Variants in PRKN observed in about 807,000 individuals in gnomAD.
PRKN encodes the protein E3 ubiquitin-protein ligase parkin.
PRKN carries 56 observed loss-of-function variants against 59.5 expected under a neutral mutation model. The observed-to-expected ratio is 0.94, with a 90% confidence interval of 0.76 to 1.18. The LOEUF (loss-of-function observed/expected upper bound fraction) is 1.18, where lower values mean the gene tolerates loss of function less well. Ranked by LOEUF, PRKN falls within the 50% of genes most tolerant of loss-of-function variation. The probability of loss-of-function intolerance (pLI) is 0.00; values close to 1 mark genes in which losing one functional copy is unlikely to be tolerated. For missense variants in PRKN, 657 were observed against 596.4 expected (o/e 1.10, Z -1.06); for synonymous variants, 250 against 222.1 (o/e 1.13, Z -1.12).
intron 2 of PRKN, among the ~76,000 whole-genome samples, chr6:162,283,367 C>T (rs1460420797): frequency 1.3e-5 from 2 of 151,416 alleles, no homozygotes; most frequent in Non-Finnish European, 2.9e-5. Context: ...CTGAAATGTA[C>T]GTGTGAGTGT....
At chr6:161,805,478 A>ACACACGCATG (rs61442187) in intron 6 of PRKN, among the ~76,000 whole-genome samples, 3,862 of 149,460 alleles carry the variant, frequency 0.026, 66 homozygotes, top group Non-Finnish European at 0.041. Flanking sequence ...ACACACACAC[A>ACACACGCATG]CATGCATGTA....
At chr6:161,658,736 A>G (rs1318274989) in intron 7 of PRKN, among the ~76,000 whole-genome samples, 2 of 152,348 alleles carry the variant, frequency 1.3e-5, no homozygotes, top group East Asian at 3.9e-4. Context: ...GAGGAAGGGA[A>G]TGCGATATTC....
intron 3 of PRKN, among the ~76,000 whole-genome samples, chr6:162,241,218 C>T (rs1778977712): frequency 1.3e-5 from 2 of 152,048 alleles, no homozygotes; most frequent in African/African-American, 4.8e-5. Flanking sequence ...GAAAATATAA[C>T]TGGATTTTGA....
intron 6 of PRKN, among the ~76,000 whole-genome samples, chr6:161,947,662 G>T (rs1477805460): frequency 6.6e-6 from 1 of 152,190 alleles, no homozygotes; most frequent in Non-Finnish European, 1.5e-5. Flanking sequence ...AAGAAAGAAA[G>T]TTCCTTTCAG....
chr6:162,552,483 G>A (rs909441926), intron 1 of PRKN, among the ~76,000 whole-genome samples: 1 of 152,054 alleles, frequency 6.6e-6, no homozygotes, highest in Admixed American at 6.6e-5. Context: ...GGGAGGTGCA[G>A]AATCAAAATC....
chr6:161,654,169 A>T (rs186119844), intron 7 of PRKN, among the ~76,000 whole-genome samples: 16 of 152,228 alleles, frequency 1.1e-4, no homozygotes, highest in East Asian at 1.9e-4. Context: ...GAAAACAATT[A>T]AAAAAAAGTC....
At chr6:161,478,426 A>C (rs36190023) in intron 9 of PRKN, among the ~76,000 whole-genome samples, 31,027 of 152,180 alleles carry the variant, frequency 0.2, 3,655 homozygotes, top group African/African-American at 0.33. Flanking sequence ...GACATACAGT[A>C]AAATAATTAC....
chr6:162,005,912 T>A (rs1290353769), intron 5 of PRKN, among the ~76,000 whole-genome samples: 3 of 152,268 alleles, frequency 2.0e-5, no homozygotes, highest in Non-Finnish European at 2.9e-5. Flanking sequence ...TGTAGAATTT[T>A]ATAGCCATTT....
intron 1 of PRKN, among the ~76,000 whole-genome samples, chr6:162,676,966 C>T (rs1240260558): frequency 6.7e-6 from 1 of 148,990 alleles, no homozygotes; most frequent in African/African-American, 2.5e-5. Flanking sequence ...GAGGCTGAGG[C>T]AGAAGAATCG....
chr6:162,464,679 AT>A (rs1321541621), intron 1 of PRKN, among the ~76,000 whole-genome samples: 3 of 148,804 alleles, frequency 2.0e-5, no homozygotes, highest in Non-Finnish European at 4.5e-5. Context: ...AAAAAAAAAA[AT>A]TAGCCAGGCG....
intron 1 of PRKN, among the ~76,000 whole-genome samples, chr6:162,527,276 G>T (rs1269910364): frequency 2.6e-5 from 4 of 152,152 alleles, no homozygotes; most frequent in African/African-American, 9.7e-5. Context: ...CAAGCAAGAC[G>T]CATAGTTACA....
chr6:161,380,426 CTTT>C (rs977152868), intron 10 of PRKN, among the ~76,000 whole-genome samples: 4 of 117,946 alleles, frequency 3.4e-5, no homozygotes, highest in Admixed American at 9.4e-5. Flanking sequence ...CCAAGTCTAT[CTTT>C]TTTTTTTTTT....
At chr6:162,566,460 A>G (rs1780083742) in intron 1 of PRKN, among the ~76,000 whole-genome samples, 1 of 152,164 alleles carries the variant, frequency 6.6e-6, no homozygotes, top group Non-Finnish European at 1.5e-5. Context: ...ATTGCAACTG[A>G]TACTGCAAAA....
chr6:162,078,377 T>C (rs1255188622), intron 4 of PRKN, among the ~76,000 whole-genome samples: 1 of 152,096 alleles, frequency 6.6e-6, no homozygotes, highest in Middle Eastern at 3.2e-3. Flanking sequence ...AATACATTTA[T>C]TCATAGAAGT....
intron 1 of PRKN, among the ~76,000 whole-genome samples, chr6:162,631,141 T>C (rs1317727156): frequency 1.3e-5 from 2 of 152,146 alleles, no homozygotes; most frequent in Non-Finnish European, 2.9e-5. Flanking sequence ...TCATCTACTG[T>C]GTACAATGTT....
chr6:162,036,027 A>G (rs1468100481), intron 5 of PRKN, among the ~76,000 whole-genome samples: 1 of 152,170 alleles, frequency 6.6e-6, no homozygotes, highest in Admixed American at 6.5e-5. Flanking sequence ...ACATAACGCC[A>G]TAAAGAAAAC....
At chr6:162,052,005 C>T (rs1341948997) in intron 5 of PRKN, among the ~76,000 whole-genome samples, 4 of 152,120 alleles carry the variant, frequency 2.6e-5, no homozygotes, top group African/African-American at 9.7e-5. Flanking sequence ...TAGAACAAAT[C>T]CCCCAAAGAT....
In PRKN at chr6:161,388,328, T is replaced by G. The variant is rs1256208147; in HGVS notation, c.1084-1451A>C. ...CACAGCATACAATGTGTTCTAAACT[T>G]TAAGGAGATAAGAACAACAGGGACT... On this transcript the variant is annotated intron_variant, in intron 9 of 11. Transcript: ENST00000366898. This position sits in a 1 kb window ranked among gnomAD's most constrained non-coding sequence, Gnocchi z 4.3. 1.3e-5 allele frequency among the ~76,000 whole-genome samples: 2 copies of G among 152,160 alleles called. No homozygotes were observed. The highest frequency in any genetic ancestry group is 3.9e-4 in the East Asian group (2 of 5,194).
chr6:161,513,047 G>A (rs868278061), intron 9 of PRKN, among the ~76,000 whole-genome samples: 4 of 152,258 alleles, frequency 2.6e-5, no homozygotes, highest in East Asian at 1.9e-4. Context: ...CCACGGTTTC[G>A]ATTTCTCAGG....
Sources: allele counts gnomAD v4.1 joint callset (sites outside exome capture counted in the v4.1 genomes callset), GRCh38; gene constraint gnomAD v4.1.1; non-coding constraint Gnocchi (gnomAD v3.1); transcripts MANE v1.5; gene names NCBI Gene and HGNC (gene_info 2026-07-23, HGNC 2026-07-21).